Variants in LRRC53 observed in about 807,000 individuals in gnomAD.
LRRC53 encodes leucine rich repeat containing 53, also known as leucine-rich repeat-containing protein 53.
LRRC53 carries 25 observed loss-of-function variants against 13.6 expected under a neutral mutation model. The ratio of observed to expected loss-of-function variants is 1.83; its 90% CI spans 1.34 to 2.56. The LOEUF (loss-of-function observed/expected upper bound fraction) is 2.56, where lower values mean the gene tolerates loss of function less well. LRRC53 is among the 30% of genes most tolerant of loss of function. The pLI, the probability that LRRC53 is intolerant of heterozygous loss-of-function variation, is 0.00. For missense variants in LRRC53, 527 were observed against 275.8 expected, an observed-to-expected ratio of 1.91 and a Z score of -6.45; for synonymous variants, 204 against 109.8, an observed-to-expected ratio of 1.86 and a Z score of -5.37.
chr1:74,483,387 G>A lies in LRRC53; in HGVS notation c.-26-12C>T, dbSNP rs1476061755. ...TACCAGCCATCCACCTGAAAGGAAA[G>A]TAGAGGGCAATGTATATCATAATGT... On this transcript the variant is annotated splice_polypyrimidine_tract_variant and intron_variant, in intron 1 of 4. Coordinates refer to ENST00000294635, the MANE Select transcript of LRRC53 (RefSeq NM_001382280.1). 1 of 716,926 alleles carries A rather than the reference G, an allele frequency of 1.4e-6. No individual in the cohort carries two copies. The highest frequency in any genetic ancestry group is 2.6e-6 in the Non-Finnish European group (1 of 384,754). The allele number at this position is 716,926 out of a possible 1,614,324, so 44.4% of individuals were successfully genotyped here.
upstream of LRRC53, among the ~76,000 whole-genome samples, chr1:74,515,792 G>A (rs1646340410): frequency 6.6e-6 from 1 of 152,206 alleles, no homozygotes; most frequent in Admixed American, 6.5e-5. Context: ...AGGGAAATCT[G>A]AGGTTTTTCT....
chr1:74,507,462 A>G (rs1186944452), intron 1 of LRRC53, among the ~76,000 whole-genome samples: 1 of 152,200 alleles, frequency 6.6e-6, no homozygotes, highest in African/African-American at 2.4e-5. Context: ...TTACACACAG[A>G]GTAAGCTTCT....
the LRRC53 span, among the ~76,000 whole-genome samples, chr1:74,525,895 A>C: frequency 6.6e-6 from 1 of 152,228 alleles, no homozygotes; most frequent in Non-Finnish European, 1.5e-5. Flanking sequence ...TGGCAAGAGA[A>C]GAGGTTTTCA....
chr1:74,481,620 T>A (rs966404766), intron 2 of LRRC53, among the ~76,000 whole-genome samples: 1 of 152,214 alleles, frequency 6.6e-6, no homozygotes, highest in Non-Finnish European at 1.5e-5. Context: ...CTAATATCTG[T>A]TCCCTCCAAT....
the LRRC53 span, among the ~76,000 whole-genome samples, chr1:74,520,055 G>A: frequency 1.8e-4 from 27 of 152,158 alleles, no homozygotes; most frequent in Non-Finnish European, 3.4e-4. Flanking sequence ...TTGGTTGCAT[G>A]AGTAAGTTCT....
At chr1:74,506,033 C>T (rs1669879895) in intron 1 of LRRC53, among the ~76,000 whole-genome samples, 1 of 152,118 alleles carries the variant, frequency 6.6e-6, no homozygotes, top group Admixed American at 6.5e-5. Context: ...TTTGCCAGCC[C>T]AGCCAGTGTT....
In LRRC53 at chr1:74,471,068, G is replaced by A. The variant is rs1557587287; in HGVS notation, c.2554C>T (p.His852Tyr). 2 of 400,626 alleles carry A rather than the reference G, an allele frequency of 5.0e-6. No individual in the cohort carries two copies. Among genetic ancestry groups the A allele is most frequent in the Admixed American group, 8.8e-5 (2 of 22,728 alleles). 24.8% of individuals were successfully genotyped at this position (400,626 alleles called of 1,614,324 possible). Reference sequence around the variant, plus strand: ...TCAGTTGAGAATTGAGAATGTGAGTGCCTGTGCTCAGCATCAGTGGGTGTA... The same window carrying A: ...TCAGTTGAGAATTGAGAATGTGAGTACCTGTGCTCAGCATCAGTGGGTGTA... The part of the protein sequence containing the change: ...QPTPTDAEHR[H>Y]SHSQFSTEQM... The change falls in exon 5 of 5, where the codon CAC becomes TAC. Residue 852 changes from histidine to tyrosine, a missense_variant. Physicochemically the swap from His to Tyr is moderately conservative, Grantham distance 83. Coordinates refer to ENST00000294635, the MANE Select transcript of LRRC53 (RefSeq NM_001382280.1).
At chr1:74,475,954 T>G in intron 3 of LRRC53, 144 bp from the exon 4 acceptor site, 1 of 450,938 alleles carries the variant, frequency 2.2e-6, no homozygotes, top group Non-Finnish European at 3.9e-6. Flanking sequence ...TGGAAAAATA[T>G]CAGTCCAGAC....
the LRRC53 span, among the ~76,000 whole-genome samples, chr1:74,522,813 C>T: frequency 6.6e-6 from 1 of 151,130 alleles, no homozygotes; most frequent in Non-Finnish European, 1.5e-5. Context: ...ACCTTAGCCC[C>T]TGGCTTTATG....
chr1:74,517,060 T>C (rs1646359334), upstream of LRRC53, among the ~76,000 whole-genome samples: 1 of 152,180 alleles, frequency 6.6e-6, no homozygotes, highest in Non-Finnish European at 1.5e-5. Flanking sequence ...GCTCTGTTGA[T>C]GGGGATTATT....
At chr1:74,491,339 C>T (rs1466012395) in intron 1 of LRRC53, among the ~76,000 whole-genome samples, 1 of 152,194 alleles carries the variant, frequency 6.6e-6, no homozygotes, top group Non-Finnish European at 1.5e-5. Flanking sequence ...CCTGCCTCAG[C>T]CTCCCCAGTA....
At chr1:74,502,029 C>G (rs1021645739) in intron 1 of LRRC53, among the ~76,000 whole-genome samples, 1 of 152,074 alleles carries the variant, frequency 6.6e-6, no homozygotes, top group Admixed American at 6.5e-5. Context: ...TGGCTTTATA[C>G]AGGTGTTTCT....
At chr1:74,507,194 C>T (rs988289719) in intron 1 of LRRC53, among the ~76,000 whole-genome samples, 14 of 151,020 alleles carry the variant, frequency 9.3e-5, no homozygotes, top group African/African-American at 3.2e-4. Context: ...GCAAATATCA[C>T]ACATGATGAG....
chr1:74,518,336 T>C, the LRRC53 span, among the ~76,000 whole-genome samples: 1 of 152,182 alleles, frequency 6.6e-6, no homozygotes, highest in Non-Finnish European at 1.5e-5. Flanking sequence ...TATTTCCACA[T>C]AGCCTCTTAC....
At chr1:74,532,471 C>A in the LRRC53 span, among the ~76,000 whole-genome samples, 2 of 148,202 alleles carry the variant, frequency 1.3e-5, no homozygotes, top group Non-Finnish European at 3.0e-5. Flanking sequence ...TCTTTTTTTT[C>A]TTTTTATTTT....
intron 4 of LRRC53, among the ~76,000 whole-genome samples, chr1:74,472,572 A>G (rs1048984478): frequency 2.6e-5 from 4 of 152,112 alleles, no homozygotes; most frequent in African/African-American, 9.7e-5. Context: ...TCCCATTTGC[A>G]ACTTAAATAT....
At chr1:74,505,765 C>G (rs145901000) in intron 1 of LRRC53, among the ~76,000 whole-genome samples, 1 of 151,918 alleles carries the variant, frequency 6.6e-6, no homozygotes, top group Non-Finnish European at 1.5e-5. Flanking sequence ...TGGCAACTAA[C>G]GAAATCTGAA....
the LRRC53 span, among the ~76,000 whole-genome samples, chr1:74,536,221 GC>G: frequency 2.0e-5 from 3 of 152,094 alleles, no homozygotes; most frequent in East Asian, 3.9e-4. Context: ...AGTTTTAAAT[GC>G]CCTGGTTCAT....
At chr1:74,502,644 A>G (rs1002232826) in intron 1 of LRRC53, among the ~76,000 whole-genome samples, 1 of 152,190 alleles carries the variant, frequency 6.6e-6, no homozygotes, top group Non-Finnish European at 1.5e-5. Context: ...TGCCAGATCT[A>G]GTGGAACATA....
Sources: allele counts gnomAD v4.1 joint callset (sites outside exome capture counted in the v4.1 genomes callset), GRCh38; gene constraint gnomAD v4.1.1; transcripts MANE v1.5; gene names NCBI Gene and HGNC (gene_info 2026-07-23, HGNC 2026-07-21).